CLPB: variants seen among roughly 807,000 people sequenced by gnomAD.
The protein encoded by CLPB is ClpB family mitochondrial disaggregase.
In CLPB, 40 loss-of-function variants were observed where a neutral mutation model predicts 78.4. The ratio of observed to expected loss-of-function variants is 0.51; its 90% CI spans 0.40 to 0.66. The LOEUF is 0.66. Among genes scored for constraint, CLPB ranks in the 30% least tolerant of loss-of-function variants. The pLI is 0.00. For missense variants in CLPB, 780 were observed against 886.9 expected, an observed-to-expected ratio of 0.88 and a Z score of 1.53; for synonymous variants, 333 against 348.0, an observed-to-expected ratio of 0.96 and a Z score of 0.48.
chr11:72,396,191 T>C (rs1855401267), intron 3 of CLPB, among the ~76,000 whole-genome samples: 1 of 152,084 alleles, frequency 6.6e-6, no homozygotes, highest in Non-Finnish European at 1.5e-5. Context: ...TATCCACTCA[T>C]TAGCTCAGTT....
chr11:72,380,004 A>G (rs1204228572), intron 4 of CLPB, among the ~76,000 whole-genome samples: 2 of 152,204 alleles, frequency 1.3e-5, no homozygotes, highest in African/African-American at 2.4e-5. Flanking sequence ...CACTTTCAGG[A>G]AAACACCAGT....
intron 3 of CLPB, among the ~76,000 whole-genome samples, chr11:72,382,523 G>A (rs1854948027): frequency 6.6e-6 from 1 of 152,032 alleles, no homozygotes; most frequent in South Asian, 2.1e-4. Flanking sequence ...GCCCACCCCT[G>A]TGGTCCCAAT....
In CLPB at chr11:72,291,762, G is replaced by A. The variant is rs1319130300; in HGVS notation, c.*1605C>T. On this transcript the variant is annotated 3_prime_UTR_variant, in exon 16 of 16. Coordinates refer to ENST00000538039, the MANE Select transcript of CLPB (RefSeq NM_001258392.3). Reference sequence around the variant, plus strand: ...AAAAAGTAAAAAACAATGAAAAGCAGGCCGGGTCCAGTGGCTCATGCCTGT... The same window carrying A: ...AAAAAGTAAAAAACAATGAAAAGCAAGCCGGGTCCAGTGGCTCATGCCTGT... The A allele has an allele frequency of 6.6e-6, 1 of 151,918 alleles. No individual in the cohort carries two copies. Among genetic ancestry groups the A allele is most frequent in the Non-Finnish European group, 1.5e-5 (1 of 67,990 alleles). The allele number at this position is 151,918 out of a possible 1,614,324, so 9.4% of individuals were successfully genotyped here. A position where few individuals can be genotyped will look rare whatever the true frequency, so the allele number is the denominator to read the frequency against.
chr11:72,408,678 A>G (rs1399736090), intron 2 of CLPB, among the ~76,000 whole-genome samples: 3 of 151,480 alleles, frequency 2.0e-5, no homozygotes, highest in Non-Finnish European at 4.4e-5. Context: ...AAAAAAAAAA[A>G]AAAAAAAAAG....
chr11:72,325,554 A>G (rs1393027513), intron 6 of CLPB, among the ~76,000 whole-genome samples: 5 of 152,176 alleles, frequency 3.3e-5, no homozygotes, highest in Non-Finnish European at 7.3e-5. Flanking sequence ...CATTCAGACC[A>G]CTTAAGGTGA....
chr11:72,353,770 G>A (rs1316951820), intron 5 of CLPB, among the ~76,000 whole-genome samples: 1 of 152,146 alleles, frequency 6.6e-6, no homozygotes, highest in African/African-American at 2.4e-5. Context: ...CATGCAAAAT[G>A]GTCTTAAAGG....
intron 2 of CLPB, among the ~76,000 whole-genome samples, chr11:72,405,280 G>A (rs1324174829): frequency 6.6e-6 from 1 of 152,224 alleles, no homozygotes; most frequent in Non-Finnish European, 1.5e-5. Flanking sequence ...TCACAGCAGA[G>A]AAACAGACAG....
intron 3 of CLPB, among the ~76,000 whole-genome samples, chr11:72,384,280 T>C (rs187830652): frequency 2.2e-4 from 33 of 152,284 alleles, no homozygotes; most frequent in Admixed American, 1.8e-3. Flanking sequence ...AAGGTCAAAA[T>C]ACAAAACTGC....
intron 5 of CLPB, among the ~76,000 whole-genome samples, chr11:72,358,556 A>C (rs1398975034): frequency 6.6e-6 from 1 of 152,118 alleles, no homozygotes; most frequent in African/African-American, 2.4e-5. Context: ...TAGGGATAGC[A>C]AGAGTCCAGA....
chr11:72,316,979 G>A, intron 7 of CLPB, 127 bp downstream of exon 7: 1 of 574,796 alleles, frequency 1.7e-6, no homozygotes, highest in Non-Finnish European at 3.0e-6. Flanking sequence ...ACAATGTCTG[G>A]CATGTAGATA....
chr11:72,373,832 C>T (rs1191977506), intron 4 of CLPB, among the ~76,000 whole-genome samples: 3 of 151,706 alleles, frequency 2.0e-5, no homozygotes, highest in African/African-American at 2.4e-5. Flanking sequence ...GTGGTGGTGG[C>T]GCCAGTAATC....
intron 5 of CLPB, among the ~76,000 whole-genome samples, chr11:72,345,696 T>G (rs1230311862): frequency 2.0e-5 from 3 of 152,116 alleles, no homozygotes; most frequent in African/African-American, 7.2e-5. Context: ...TCAGGATACG[T>G]AGGGGAGAAA....
chr11:72,376,402 G>A (rs1854699444), intron 4 of CLPB, among the ~76,000 whole-genome samples: 3 of 152,048 alleles, frequency 2.0e-5, no homozygotes, highest in Admixed American at 2.0e-4. Flanking sequence ...TGAGAGAGAA[G>A]AGCCCTGAGA....
intron 5 of CLPB, among the ~76,000 whole-genome samples, chr11:72,358,092 T>C (rs1167119537): frequency 1.3e-5 from 2 of 152,152 alleles, no homozygotes; most frequent in African/African-American, 4.8e-5. Flanking sequence ...AGAAAGTGAC[T>C]GGGATGTGTC....
intron 2 of CLPB, among the ~76,000 whole-genome samples, chr11:72,418,879 A>G (rs1049153073): frequency 1.1e-4 from 16 of 151,628 alleles, no homozygotes; most frequent in Non-Finnish European, 2.4e-4. Flanking sequence ...AAAAGAAAAG[A>G]AAAGAAATCC....
chr11:72,410,275 T>A (rs1037670241), intron 2 of CLPB, among the ~76,000 whole-genome samples: 1 of 152,020 alleles, frequency 6.6e-6, no homozygotes. Context: ...ACTTACTAAG[T>A]GAGGAGTGGT....
chr11:72,317,400 G>A (rs572308749), intron 6 of CLPB, among the ~76,000 whole-genome samples, 180 bp from the exon 7 acceptor site: 3 of 152,292 alleles, frequency 2.0e-5, no homozygotes, highest in South Asian at 2.1e-4. Flanking sequence ...GGTGGCTGCC[G>A]CTCAGGGGTC....
chr11:72,293,998 C>T (rs1949499469), intron 15 of CLPB, 24 bp downstream of exon 15: 1 of 1,602,528 alleles, frequency 6.2e-7, no homozygotes, highest in East Asian at 2.2e-5. Flanking sequence ...GGAGGCGCCT[C>T]ATTTCTCAGG....
At chr11:72,380,145 G>A (rs1854860816) in intron 4 of CLPB, 136 bp downstream of exon 4, 1 of 664,882 alleles carries the variant, frequency 1.5e-6, no homozygotes, top group East Asian at 2.7e-5. Context: ...GCCCTTTGGG[G>A]TCTCCATGAG....
Sources: allele counts gnomAD v4.1 joint callset (sites outside exome capture counted in the v4.1 genomes callset), GRCh38; gene constraint gnomAD v4.1.1; transcripts MANE v1.5; gene names NCBI Gene and HGNC (gene_info 2026-07-23, HGNC 2026-07-21).